The following DDAH1 variants were observed in gnomAD, a reference collection of about 807,000 sequenced individuals.
DDAH1 encodes N(G),N(G)-dimethylarginine dimethylaminohydrolase 1.
DDAH1 carries 19 observed loss-of-function variants against 28.8 expected under a neutral mutation model. That is an observed-to-expected ratio of 0.66 (90% CI 0.46 to 0.97). The LOEUF (loss-of-function observed/expected upper bound fraction) is 0.97. Ranked by LOEUF, DDAH1 falls within the 50% of genes least tolerant of loss-of-function variation. The pLI is 0.00. For missense variants in DDAH1, 326 were observed against 375.9 expected, an observed-to-expected ratio of 0.87 and a Z score of 1.10; for synonymous variants, 153 against 154.4, an observed-to-expected ratio of 0.99 and a Z score of 0.07.
At chr1:85,430,297 T>C (rs915241752) in intron 1 of DDAH1, among the ~76,000 whole-genome samples, 1 of 152,230 alleles carries the variant, frequency 6.6e-6, no homozygotes, top group Admixed American at 6.5e-5. Context: ...TTTTGGTTAC[T>C]GTAGCCTTGT....
intron 1 of DDAH1, among the ~76,000 whole-genome samples, chr1:85,533,595 G>A (rs1159852404): frequency 6.6e-6 from 1 of 152,120 alleles, no homozygotes; most frequent in Non-Finnish European, 1.5e-5. Flanking sequence ...AGGCAAAGAG[G>A]TGAACTTGAG....
At chr1:85,435,763 T>G (rs1653903486) in intron 1 of DDAH1, among the ~76,000 whole-genome samples, 1 of 152,176 alleles carries the variant, frequency 6.6e-6, no homozygotes, top group South Asian at 2.1e-4. Flanking sequence ...CATATGATTG[T>G]GCTGGACCAC....
rs1321206854 is a variant in DDAH1, at chr1:85,464,525, C to T, written c.303+218G>A. On this transcript the variant is annotated intron_variant, in intron 1 of 5. Coordinates refer to ENST00000284031, the MANE Select transcript of DDAH1 (RefSeq NM_012137.4). This position sits in a 1 kb window ranked among gnomAD's most constrained non-coding sequence, Gnocchi z 4.4. The stretch of plus-strand genomic sequence containing the variant: ...CCGAGACCGTACAACCACATTGAAT[C>T]GGATCCTCCAGAAGGCTGCCGGCAG... 2.0e-6 allele frequency: 3 copies of T among 1,525,462 alleles called. No homozygotes were observed. The Admixed American group carries it at 5.9e-5, about 30-fold the overall frequency. The allele number at this position is 1,525,462 out of a possible 1,614,324, so 94.5% of individuals were successfully genotyped here. A position where few individuals can be genotyped will look rare whatever the true frequency, so the allele number is the denominator to read the frequency against.
intron 1 of DDAH1, among the ~76,000 whole-genome samples, chr1:85,420,384 C>T (rs1172036748): frequency 6.6e-6 from 1 of 152,190 alleles, no homozygotes; most frequent in African/African-American, 2.4e-5. Context: ...ATATAAGTTC[C>T]AGCTTTAAGT....
At chr1:85,368,877 G>T (rs2100880464) in intron 1 of DDAH1, among the ~76,000 whole-genome samples, 1 of 152,180 alleles carries the variant, frequency 6.6e-6, no homozygotes, top group African/African-American at 2.4e-5. Flanking sequence ...ATCGCATGCT[G>T]CCAGACACAA....
chr1:85,481,106 T>G (rs989031782), intron 2 of DDAH1, among the ~76,000 whole-genome samples: 10 of 147,524 alleles, frequency 6.8e-5, no homozygotes, highest in African/African-American at 1.5e-4. Context: ...TTGTTTTTTT[T>G]TTTTTTTTTG....
chr1:85,369,979 A>G (rs917470329), intron 1 of DDAH1, among the ~76,000 whole-genome samples: 1 of 152,190 alleles, frequency 6.6e-6, no homozygotes, highest in Admixed American at 6.5e-5. Context: ...TTGTTCAAGG[A>G]ACAGGAAGAC....
chr1:85,448,595 G>C (rs954551805), intron 1 of DDAH1, among the ~76,000 whole-genome samples: 2 of 152,148 alleles, frequency 1.3e-5, no homozygotes, highest in Non-Finnish European at 2.9e-5. Context: ...ATCAATAGGA[G>C]CTCTAATTCC....
Position 85,381,345 on chromosome 1 carries a change from T to C in DDAH1, c.304-22498A>G, listed in dbSNP as rs1312795793. On this transcript the variant is annotated intron_variant, in intron 1 of 5. Coordinates refer to ENST00000284031, the MANE Select transcript of DDAH1 (RefSeq NM_012137.4). ...GTCATTACAATGTTTTCAGCCTGCA[T>C]TGTTTCTTTTATTTCAATAGTTTTG... Among the ~76,000 whole-genome samples, 3 of 17,650 alleles carry C rather than the reference T, an allele frequency of 1.7e-4. No individual in the cohort carries two copies. In the African/African-American group the frequency reaches 2.1e-3, roughly 13 times the overall value. The allele number at this position is 17,650 out of a possible 152,430, so 11.6% of individuals were successfully genotyped here.
chr1:85,363,436 T>A (rs1171565791), intron 1 of DDAH1, among the ~76,000 whole-genome samples: 1 of 152,244 alleles, frequency 6.6e-6, no homozygotes, highest in Non-Finnish European at 1.5e-5. Context: ...CCTGGTTTCT[T>A]TGTAACTCAT....
intron 1 of DDAH1, among the ~76,000 whole-genome samples, chr1:85,501,001 T>C (rs1178608180): frequency 6.6e-6 from 1 of 152,186 alleles, no homozygotes; most frequent in African/African-American, 2.4e-5. Context: ...TTTAAACATA[T>C]TTATAAGAGT....
At chr1:85,458,424 CTTTT>C (rs3058826) in intron 1 of DDAH1, among the ~76,000 whole-genome samples, 3 of 101,762 alleles carry the variant, frequency 2.9e-5, no homozygotes, top group African/African-American at 3.9e-5. Context: ...TACACACACA[CTTTT>C]TTTTTTTTTT....
intron 1 of DDAH1, among the ~76,000 whole-genome samples, chr1:85,439,901 C>T (rs1654114826): frequency 6.6e-6 from 1 of 152,170 alleles, no homozygotes; most frequent in Non-Finnish European, 1.5e-5. Flanking sequence ...GCTAATAAGA[C>T]TACAGCATTT....
chr1:85,402,161 ATTTT>A (rs11365834), intron 1 of DDAH1, among the ~76,000 whole-genome samples: 3 of 120,422 alleles, frequency 2.5e-5, no homozygotes, highest in African/African-American at 3.2e-5. Flanking sequence ...TAATACTTCT[ATTTT>A]TTTTTTTTTT....
chr1:85,521,085 C>T (rs1349355869), intron 1 of DDAH1, among the ~76,000 whole-genome samples: 2 of 152,160 alleles, frequency 1.3e-5, no homozygotes, highest in Non-Finnish European at 2.9e-5. Context: ...AAATATCCTC[C>T]CCCAGAAAGG....
At chr1:85,497,269 A>G (rs1656631639) in intron 1 of DDAH1, among the ~76,000 whole-genome samples, 1 of 152,210 alleles carries the variant, frequency 6.6e-6, no homozygotes, top group Admixed American at 6.5e-5. Flanking sequence ...AATAGCACTA[A>G]GAATGCAAAA....
At chr1:85,453,933 C>A (rs1654770559) in intron 1 of DDAH1, among the ~76,000 whole-genome samples, 1 of 152,128 alleles carries the variant, frequency 6.6e-6, no homozygotes, top group Admixed American at 6.6e-5. Flanking sequence ...TGAACACATG[C>A]TGGGGTTAAA....
chr1:85,568,432 T>C (rs895988734), intron 1 of DDAH1, among the ~76,000 whole-genome samples: 1 of 152,210 alleles, frequency 6.6e-6, no homozygotes, highest in Non-Finnish European at 1.5e-5. Flanking sequence ...TCTTATCCAC[T>C]GTGCCCACTG....
At chr1:85,392,146 G>A (rs1030814961) in intron 1 of DDAH1, among the ~76,000 whole-genome samples, 27 of 152,060 alleles carry the variant, frequency 1.8e-4, no homozygotes, top group Non-Finnish European at 1.9e-4. Context: ...CTCAGTTCTG[G>A]AGCCTAGCAA....
Sources: gnomAD v4.1 joint callset for allele counts (sites outside exome capture counted in the v4.1 genomes callset) on GRCh38, gnomAD v4.1.1 for gene constraint, Gnocchi (gnomAD v3.1) non-coding constraint, MANE v1.5 for transcripts, NCBI Gene and HGNC (gene_info 2026-07-23, HGNC 2026-07-21) for gene names.